DNER: variants seen among roughly 807,000 people sequenced by gnomAD.
DNER encodes the protein delta/notch like EGF repeat containing.
Under a neutral mutation model 78.2 loss-of-function variants are expected in DNER, and 33 were observed. The observed-to-expected ratio is 0.42, with a 90% confidence interval of 0.32 to 0.56. The LOEUF is 0.56. Among genes scored for constraint, DNER ranks in the 20% least tolerant of loss-of-function variants. The probability of loss-of-function intolerance (pLI) is 0.11; values close to 1 mark genes in which losing one functional copy is unlikely to be tolerated. For synonymous variants in DNER, 417 were observed against 384.8 expected, an observed-to-expected ratio of 1.08 and a Z score of -0.98; for missense variants, 918 against 975.3, an observed-to-expected ratio of 0.94 and a Z score of 0.78.
intron 1 of DNER, among the ~76,000 whole-genome samples, chr2:229,699,896 A>G (rs530766164): frequency 6.6e-6 from 1 of 152,302 alleles, no homozygotes; most frequent in African/African-American, 2.4e-5. Context: ...GAGCAAAACA[A>G]TGAGCATAAG....
chr2:229,591,729 C>T lies in DNER; in HGVS notation c.436G>A (p.Glu146Lys), dbSNP rs143360352. 1.7e-4 allele frequency: 268 copies of T among 1,614,108 alleles called. 3 individuals carry two copies. In the East Asian group the frequency reaches 5.1e-3, roughly 31 times the overall value. ...LPSLPATGWTESMAPRQLQPV... is the reference protein window; with the variant it reads ...LPSLPATGWTKSMAPRQLQPV... ...TGAAGCTGTCGGGGTGCCATGGATTCGGTCCAGCCAGTGGCTGGGAGACTG... is the reference window on the plus strand; with the variant it reads ...TGAAGCTGTCGGGGTGCCATGGATTTGGTCCAGCCAGTGGCTGGGAGACTG... The change falls in exon 2 of 13, where the codon GAA becomes AAA. Residue 146 changes from glutamate to lysine, a missense_variant. Glu to Lys is a moderately conservative substitution (Grantham distance 56). Coordinates refer to ENST00000341772, the MANE Select transcript of DNER (RefSeq NM_139072.4). The surrounding 1 kb of genome is among the most constrained non-coding windows in gnomAD (Gnocchi z 4.6).
intron 1 of DNER, among the ~76,000 whole-genome samples, chr2:229,646,862 A>T (rs1698727641): frequency 6.6e-6 from 1 of 152,244 alleles, no homozygotes; most frequent in Admixed American, 6.5e-5. Context: ...CAATGCTAGT[A>T]GTAAAAAGAA....
chr2:229,487,142 A>C (rs1034738973), intron 6 of DNER, among the ~76,000 whole-genome samples: 1 of 152,330 alleles, frequency 6.6e-6, no homozygotes, highest in Admixed American at 6.5e-5. Context: ...TGCACTGTTG[A>C]CATGGTTTTC....
intron 7 of DNER, among the ~76,000 whole-genome samples, chr2:229,458,287 CTT>C (rs1444952124): frequency 1.3e-5 from 2 of 151,478 alleles, no homozygotes; most frequent in Non-Finnish European, 2.9e-5. Context: ...AAAAGGGACA[CTT>C]AATATGAAAA....
intron 8 of DNER, among the ~76,000 whole-genome samples, chr2:229,439,576 C>A (rs958724027): frequency 6.6e-6 from 1 of 152,244 alleles, no homozygotes; most frequent in Non-Finnish European, 1.5e-5. Context: ...GCAAGGCATG[C>A]AGGATTTCAG....
At chr2:229,590,396 GCTT>G (rs1477086571) in intron 2 of DNER, among the ~76,000 whole-genome samples, 4 of 152,190 alleles carry the variant, frequency 2.6e-5, no homozygotes, top group Admixed American at 6.5e-5. Context: ...ATCATTGATA[GCTT>G]CTTCTTTCTA....
intron 9 of DNER, among the ~76,000 whole-genome samples, chr2:229,415,110 C>T (rs932229477): frequency 2.0e-5 from 3 of 151,254 alleles, no homozygotes; most frequent in Admixed American, 6.6e-5. Flanking sequence ...TGGTGTGAGC[C>T]GAGATCACAC....
At chr2:229,423,152 G>GTT (rs1339383939) in intron 8 of DNER, among the ~76,000 whole-genome samples, 1 of 152,128 alleles carries the variant, frequency 6.6e-6, no homozygotes, top group Non-Finnish European at 1.5e-5. Context: ...AGAGGGCAAA[G>GTT]TTATTAAATA....
In DNER at chr2:229,426,791, G is replaced by A. The variant is rs115686131; in HGVS notation, c.1487-8561C>T. 6.8e-3 allele frequency among the ~76,000 whole-genome samples: 1,032 copies of A among 152,278 alleles called. 11 individuals are homozygous for A. Among genetic ancestry groups the A allele is most frequent in the African/African-American group, 0.023 (952 of 41,548 alleles). ...AGTGTTCAGATGCTCTCGTTTAAAC[G>A]AACCTGCTGGTTTTGATAACTGCAC... On this transcript the variant is annotated intron_variant, in intron 8 of 12. Transcript: ENST00000341772.
intron 3 of DNER, 97 bp from the exon 4 acceptor site, chr2:229,586,121 G>C (rs1697490887): frequency 1.4e-6 from 2 of 1,388,940 alleles, no homozygotes; most frequent in Non-Finnish European, 9.6e-7. Context: ...GATGGTATGT[G>C]CATCTACCAA....
intron 7 of DNER, among the ~76,000 whole-genome samples, chr2:229,467,501 C>T (rs185802863): frequency 3.3e-3 from 500 of 152,264 alleles, no homozygotes; most frequent in African/African-American, 0.011. Context: ...ATGTCCCCTG[C>T]CTTAAGGTGG....
chr2:229,502,244 T>C (rs1011229808), intron 6 of DNER, among the ~76,000 whole-genome samples: 6 of 152,132 alleles, frequency 3.9e-5, no homozygotes, highest in African/African-American at 1.4e-4. Flanking sequence ...AGAACTCTCA[T>C]CCAGGCTCAG....
At chr2:229,369,275 G>GTT (rs1285087831) in intron 11 of DNER, among the ~76,000 whole-genome samples, 1 of 149,864 alleles carries the variant, frequency 6.7e-6, no homozygotes, top group Admixed American at 6.6e-5. Flanking sequence ...TTTCTAAAAA[G>GTT]TTAAAAAAAA....
chr2:229,428,030 G>A (rs1017728603), intron 8 of DNER, among the ~76,000 whole-genome samples: 2 of 146,788 alleles, frequency 1.4e-5, no homozygotes, highest in Non-Finnish European at 3.0e-5. Context: ...AGCTGGGATC[G>A]CACCACTGCA....
At chr2:229,500,363 G>C (rs932369344) in intron 6 of DNER, among the ~76,000 whole-genome samples, 2 of 152,140 alleles carry the variant, frequency 1.3e-5, no homozygotes, top group African/African-American at 4.8e-5. Flanking sequence ...TGTCAGAATA[G>C]CTATTATCAA....
intron 8 of DNER, among the ~76,000 whole-genome samples, chr2:229,444,309 T>C (rs1254309269): frequency 2.0e-5 from 3 of 152,168 alleles, no homozygotes; most frequent in Admixed American, 2.0e-4. Context: ...TGCCTCTCAT[T>C]TCATGCTCTG....
chr2:229,577,485 A>G (rs184309640), intron 4 of DNER, among the ~76,000 whole-genome samples: 1 of 152,282 alleles, frequency 6.6e-6, no homozygotes, highest in East Asian at 1.9e-4. Context: ...AAGATACAAA[A>G]TTAGCTGGGC....
At chr2:229,643,967 T>C (rs1429831386) in intron 1 of DNER, among the ~76,000 whole-genome samples, 1 of 152,100 alleles carries the variant, frequency 6.6e-6, no homozygotes, top group Non-Finnish European at 1.5e-5. Context: ...ATGCCCCTCA[T>C]CACCACTTCA....
intron 7 of DNER, among the ~76,000 whole-genome samples, chr2:229,454,081 G>A (rs541432599): frequency 4.5e-4 from 69 of 152,290 alleles, no homozygotes; most frequent in Admixed American, 3.9e-4. Flanking sequence ...ACGGCATGGA[G>A]CAAAGGAAGC....
Sources: gnomAD v4.1 joint callset for allele counts (sites outside exome capture counted in the v4.1 genomes callset) on GRCh38, gnomAD v4.1.1 for gene constraint, Gnocchi (gnomAD v3.1) non-coding constraint, MANE v1.5 for transcripts, NCBI Gene and HGNC (gene_info 2026-07-23, HGNC 2026-07-21) for gene names.